Variants in MSTO1 observed in about 807,000 individuals in gnomAD.
MSTO1 encodes the protein protein misato homolog 1.
MSTO1 carries 24 observed loss-of-function variants against 55.7 expected under a neutral mutation model. That is an observed-to-expected ratio of 0.43 (90% CI 0.31 to 0.61). The LOEUF is 0.61. Ranked by LOEUF, MSTO1 falls within the 20% of genes least tolerant of loss-of-function variation. MSTO1 has a pLI of 0.09. For synonymous variants in MSTO1, 162 were observed against 252.8 expected (o/e 0.64, Z 3.41); for missense variants, 363 against 625.7 (o/e 0.58, Z 4.48).
At chr1:155,567,140 T>C in the MSTO1 span, among the ~76,000 whole-genome samples, 58 of 151,732 alleles carry the variant, frequency 3.8e-4, no homozygotes, top group East Asian at 1.2e-3. Context: ...TTTTTTTTTT[T>C]CCCCACAGAG....
At chr1:155,611,479 A>C (rs1488652363) in intron 4 of MSTO1, 70 bp from the exon 5 acceptor site, 2 of 1,613,716 alleles carry the variant, frequency 1.2e-6, no homozygotes, top group Middle Eastern at 1.6e-4. Context: ...CAGCCAACTC[A>C]AGGAGGACGA....
At chr1:155,611,421 C>T (rs1374846925) in intron 4 of MSTO1, 128 bp from the exon 5 acceptor site, 1 of 1,595,746 alleles carries the variant, frequency 6.3e-7, no homozygotes, top group East Asian at 2.2e-5. Context: ...CACTCCTTTT[C>T]CTAAGGACTG....
the MSTO1 span, among the ~76,000 whole-genome samples, chr1:155,572,624 A>G: frequency 0.011 from 1,743 of 152,160 alleles, 38 homozygotes; most frequent in African/African-American, 0.04. Flanking sequence ...GAGGCAGAGA[A>G]TTGCTTGAAC....
the MSTO1 span, among the ~76,000 whole-genome samples, chr1:155,568,494 A>G: frequency 2.0e-5 from 3 of 152,078 alleles, no homozygotes; most frequent in African/African-American, 7.2e-5. Flanking sequence ...GCTGGAGTGC[A>G]GTGGTGTGAT....
chr1:155,587,745 GA>G, the MSTO1 span, among the ~76,000 whole-genome samples: 179 of 47,440 alleles, frequency 3.8e-3, no homozygotes, highest in Admixed American at 7.3e-3. Flanking sequence ...CTCCGTCTCA[GA>G]AAAAAAAAAA....
the MSTO1 span, among the ~76,000 whole-genome samples, chr1:155,566,772 C>A: frequency 6.6e-6 from 1 of 151,974 alleles, no homozygotes; most frequent in Non-Finnish European, 1.5e-5. Flanking sequence ...TGTGCCACCA[C>A]GCCTGGCTAA....
upstream of MSTO1, among the ~76,000 whole-genome samples, chr1:155,608,608 T>C (rs75456753): frequency 1.3e-5 from 2 of 149,580 alleles, no homozygotes; most frequent in African/African-American, 4.9e-5. Context: ...CACGCCATTG[T>C]CCTGCCTCCG....
the MSTO1 span, among the ~76,000 whole-genome samples, chr1:155,571,226 A>G: frequency 2.0e-5 from 3 of 152,176 alleles, no homozygotes; most frequent in Admixed American, 1.3e-4. Flanking sequence ...CCTGTGGCCC[A>G]TGGGCTGCAT....
chr1:155,569,941 C>T, the MSTO1 span, among the ~76,000 whole-genome samples: 2 of 152,036 alleles, frequency 1.3e-5, no homozygotes, highest in South Asian at 4.1e-4. Context: ...CTTTTATAAA[C>T]AATATTATTG....
chr1:155,585,295 G>A, the MSTO1 span, among the ~76,000 whole-genome samples: 3 of 152,128 alleles, frequency 2.0e-5, no homozygotes, highest in African/African-American at 4.8e-5. Flanking sequence ...AGGCCAAGGC[G>A]GGCGGATCAC....
chr1:155,568,055 ATTTAT>A, the MSTO1 span, among the ~76,000 whole-genome samples: 452 of 143,450 alleles, frequency 3.2e-3, 2 homozygotes, highest in African/African-American at 8.3e-3. Flanking sequence ...AAAAAAAATT[ATTTAT>A]TTTATTTTAT....
the MSTO1 span, chr1:155,602,048 C>A: frequency 1.6e-6 from 1 of 610,586 alleles, no homozygotes; most frequent in South Asian, 1.4e-5. Flanking sequence ...GCCGCCGCGC[C>A]CGGCCTCTTC....
At position 155,610,237 on chromosome 1, in the gene MSTO1, G is replaced by T; in HGVS notation, c.-12G>T. 2 of 617,378 alleles carry T rather than the reference G, an allele frequency of 3.2e-6. No individual in the cohort carries two copies. The highest frequency in any genetic ancestry group is 1.9e-5 in the South Asian group (1 of 53,224). 38.2% of individuals were successfully genotyped at this position (617,378 alleles called of 1,614,324 possible). On this transcript the variant is annotated 5_prime_UTR_variant, in exon 1 of 14. Transcript: ENST00000245564. ...GCGGCTGAGGCGCGGCGGCCCCGTG[G>T]AGCAGCGCAGTATGGCGGGCGGGGC... is the stretch of plus-strand genomic sequence containing the variant.
the MSTO1 span, chr1:155,602,110 G>A: frequency 1.4e-6 from 1 of 708,166 alleles, no homozygotes; most frequent in Non-Finnish European, 2.7e-6. Context: ...ATGTTCTGCA[G>A]TCCAACTACA....
chr1:155,583,599 G>GT, the MSTO1 span, among the ~76,000 whole-genome samples: 1 of 152,174 alleles, frequency 6.6e-6, no homozygotes, highest in Non-Finnish European at 1.5e-5. Flanking sequence ...TGGAGAAAAT[G>GT]TTTAAGTCTG....
At chr1:155,596,555 T>A in the MSTO1 span, among the ~76,000 whole-genome samples, 1 of 152,068 alleles carries the variant, frequency 6.6e-6, no homozygotes, top group East Asian at 1.9e-4. Context: ...GATCCCGAGG[T>A]GGGAGGATCA....
At chr1:155,587,066 T>C in the MSTO1 span, among the ~76,000 whole-genome samples, 1 of 152,192 alleles carries the variant, frequency 6.6e-6, no homozygotes, top group African/African-American at 2.4e-5. Flanking sequence ...TGTCTTTAAG[T>C]AGATTTCTTC....
At chr1:155,598,808 C>A in the MSTO1 span, 1 of 1,225,146 alleles carries the variant, frequency 8.2e-7, no homozygotes, top group Non-Finnish European at 1.2e-6. Context: ...TTTTCTTTAA[C>A]AACATATATT....
At chr1:155,578,336 C>CTTT in the MSTO1 span, among the ~76,000 whole-genome samples, 3,603 of 44,240 alleles carry the variant, frequency 0.081, 1,451 homozygotes, top group African/African-American at 0.1. Flanking sequence ...AACTACCTTT[C>CTTT]TTTTTTTTTT....
Sources: gnomAD v4.1 joint callset for allele counts (sites outside exome capture counted in the v4.1 genomes callset) on GRCh38, gnomAD v4.1.1 for gene constraint, MANE v1.5 for transcripts, NCBI Gene and HGNC (gene_info 2026-07-23, HGNC 2026-07-21) for gene names.